GTF2A1: variants seen among roughly 807,000 people sequenced by gnomAD.
GTF2A1 encodes general transcription factor IIA subunit 1, also known as transcription initiation factor IIA subunit 1.
GTF2A1 carries 12 observed loss-of-function variants against 54.1 expected under a neutral mutation model. That is an observed-to-expected ratio of 0.22 (90% CI 0.14 to 0.36). The LOEUF (loss-of-function observed/expected upper bound fraction) is 0.36, where lower values mean the gene tolerates loss of function less well. GTF2A1 is among the 10% of genes least tolerant of loss of function. The pLI, the probability that GTF2A1 is intolerant of heterozygous loss-of-function variation, is 1.00. For missense variants in GTF2A1, 335 were observed against 442.2 expected (o/e 0.76, Z 2.17); for synonymous variants, 145 against 152.0 (o/e 0.95, Z 0.34).
In GTF2A1 at chr14:81,220,578, C is replaced by A. The variant is rs1475065544; in HGVS notation, c.-60G>T. 462 of 1,002,590 alleles carry A rather than the reference C, an allele frequency of 4.6e-4. No homozygotes were observed. The highest frequency in any genetic ancestry group is 3.3e-3 in the Middle Eastern group (14 of 4,198). 62.1% of individuals were successfully genotyped at this position (1,002,590 alleles called of 1,614,324 possible). Reference sequence around the variant, plus strand: ...CAAGAAAACAAGATAAAAACAAAACCAAAAAAAAAAAAACTATAACACCCG... The same window carrying A: ...CAAGAAAACAAGATAAAAACAAAACAAAAAAAAAAAAAACTATAACACCCG... On this transcript the variant is annotated 5_prime_UTR_variant, in exon 1 of 9. Coordinates refer to ENST00000553612, the MANE Select transcript of GTF2A1 (RefSeq NM_015859.4).
At position 81,178,125 on chromosome 14, in the gene GTF2A1, T is replaced by C. The variant is rs1448520535; in HGVS notation, c.*2098A>G. 6.6e-6 allele frequency: 1 copy of C among 152,110 alleles called. No homozygotes were observed. The highest frequency in any genetic ancestry group is 2.4e-5 in the African/African-American group (1 of 41,440). 9.4% of individuals were successfully genotyped at this position (152,110 alleles called of 1,614,324 possible). On this transcript the variant is annotated 3_prime_UTR_variant, in exon 9 of 9. Transcript: ENST00000553612. ...ACAACACTACTATGAATATGAATGTTTGTCTACATAGAGGGCCCAAGACAA... is the reference window on the plus strand; with the variant it reads ...ACAACACTACTATGAATATGAATGTCTGTCTACATAGAGGGCCCAAGACAA...
chr14:81,217,972 G>A (rs1472827464), intron 1 of GTF2A1, among the ~76,000 whole-genome samples: 1 of 152,062 alleles, frequency 6.6e-6, no homozygotes, highest in Non-Finnish European at 1.5e-5. Context: ...TCTGTAAAAT[G>A]CACATTTCTA....
intron 7 of GTF2A1, among the ~76,000 whole-genome samples, chr14:81,187,371 AT>A (rs1892773907): frequency 6.6e-6 from 1 of 151,872 alleles, no homozygotes; most frequent in South Asian, 2.1e-4. Context: ...AAAAAAAAAA[AT>A]CTCTGAGGTA....
At chr14:81,217,652 A>G (rs1421071003) in intron 1 of GTF2A1, among the ~76,000 whole-genome samples, 4 of 152,112 alleles carry the variant, frequency 2.6e-5, no homozygotes, top group Admixed American at 1.3e-4. Flanking sequence ...ATTAGCCAGG[A>G]GTGGTGGCAC....
intron 1 of GTF2A1, among the ~76,000 whole-genome samples, chr14:81,220,022 C>T (rs528406449): frequency 2.6e-5 from 4 of 152,160 alleles, no homozygotes; most frequent in Non-Finnish European, 2.9e-5. Context: ...ATTAATCTTC[C>T]ACTGCATTAA....
intron 1 of GTF2A1, among the ~76,000 whole-genome samples, chr14:81,219,324 C>T (rs1893556255): frequency 6.6e-6 from 1 of 152,182 alleles, no homozygotes; most frequent in East Asian, 1.9e-4. Context: ...GCTCTTGCCT[C>T]GGGAGCACGC....
chr14:81,191,490 G>C (rs1202570646), intron 7 of GTF2A1, among the ~76,000 whole-genome samples: 1 of 152,098 alleles, frequency 6.6e-6, no homozygotes, highest in Non-Finnish European at 1.5e-5. Flanking sequence ...ATAGCTATAT[G>C]CAACAACTTG....
At chr14:81,211,910 A>ATAT (rs1893379992) in intron 2 of GTF2A1, among the ~76,000 whole-genome samples, 1 of 89,202 alleles carries the variant, frequency 1.1e-5, no homozygotes, top group African/African-American at 6.2e-5. Context: ...TATATATATA[A>ATAT]CTAGAGTATA....
intron 1 of GTF2A1, 31 bp downstream of exon 1, chr14:81,220,458 G>T: frequency 6.6e-7 from 1 of 1,524,022 alleles, no homozygotes; most frequent in Non-Finnish European, 8.9e-7. Context: ...CCTGAACGAA[G>T]CCCCCGCCGG....
intron 2 of GTF2A1, among the ~76,000 whole-genome samples, chr14:81,213,517 T>C (rs1260452405): frequency 6.6e-6 from 1 of 152,184 alleles, no homozygotes; most frequent in African/African-American, 2.4e-5. Flanking sequence ...CTGCATCTTC[T>C]ATACAAGGTC....
Position 81,175,625 on chromosome 14 carries a change from AAC to A in GTF2A1, c.*4596_*4597del, listed in dbSNP as rs1892509924. 1 of 152,218 alleles carries A rather than the reference AAC, an allele frequency of 6.6e-6. No homozygotes were observed. Among genetic ancestry groups the A allele is most frequent in the African/African-American group, 2.4e-5 (1 of 41,456 alleles). 9.4% of individuals were successfully genotyped at this position (152,218 alleles called of 1,614,324 possible). On this transcript the variant is annotated 3_prime_UTR_variant, in exon 9 of 9. Coordinates refer to ENST00000553612, the MANE Select transcript of GTF2A1 (RefSeq NM_015859.4). ...CCTGCTAATTATTATCTTCTAAAAT[AAC>A]ACAAAATATATTCAATACGCAATAC... is the stretch of plus-strand genomic sequence containing the variant.
chr14:81,190,799 G>A (rs1446564554), intron 7 of GTF2A1, among the ~76,000 whole-genome samples: 1 of 152,132 alleles, frequency 6.6e-6, no homozygotes, highest in Non-Finnish European at 1.5e-5. Context: ...CTTAGCCAAT[G>A]AGCCACAAAA....
intron 4 of GTF2A1, among the ~76,000 whole-genome samples, chr14:81,200,740 A>G (rs1244208248): frequency 6.6e-6 from 1 of 152,088 alleles, no homozygotes; most frequent in Non-Finnish European, 1.5e-5. Context: ...CCTTTAAATA[A>G]AAGTTTTGGC....
chr14:81,209,177 TG>T (rs1893307232), intron 2 of GTF2A1, among the ~76,000 whole-genome samples: 1 of 152,178 alleles, frequency 6.6e-6, no homozygotes, highest in African/African-American at 2.4e-5. Context: ...CCACATGTTG[TG>T]GGAGGGACAC....
chr14:81,219,942 T>C (rs1893580708), intron 1 of GTF2A1, among the ~76,000 whole-genome samples: 1 of 151,906 alleles, frequency 6.6e-6, no homozygotes, highest in South Asian at 2.1e-4. Context: ...TTTTTAAACA[T>C]AAAATGGCCT....
intron 6 of GTF2A1, among the ~76,000 whole-genome samples, chr14:81,194,089 A>C (rs1459620824): frequency 6.6e-6 from 1 of 152,108 alleles, no homozygotes; most frequent in Non-Finnish European, 1.5e-5. Context: ...GCGGTCCCCA[A>C]CCCCTGTTAG....
chr14:81,220,648 C>A lies in GTF2A1; in HGVS notation c.-130G>T. The A allele has an allele frequency of 3.7e-6, 2 of 533,816 alleles. No individual in the cohort carries two copies. Among genetic ancestry groups the A allele is most frequent in the Non-Finnish European group, 3.1e-6 (1 of 322,106 alleles). 33.1% of individuals were successfully genotyped at this position (533,816 alleles called of 1,614,324 possible). A position where few individuals can be genotyped will look rare whatever the true frequency, so the allele number is the denominator to read the frequency against. ...GCAAGATTGGGGAAAAAATTTTAAA[C>A]AAAATCAATCCTGAAGGAGTAGGGG... On this transcript the variant is annotated 5_prime_UTR_variant, in exon 1 of 9. Coordinates refer to ENST00000553612, the MANE Select transcript of GTF2A1 (RefSeq NM_015859.4).
In GTF2A1 at chr14:81,192,576, A is replaced by C. The variant is rs1892899095; in HGVS notation, c.876T>G (p.Asp292Glu). The C allele has an allele frequency of 1.9e-6, 3 of 1,613,604 alleles. No homozygotes were observed. Among genetic ancestry groups the C allele is most frequent in the Non-Finnish European group, 2.5e-6 (3 of 1,179,576 alleles). Residue 292 changes from aspartate (D) to glutamate (E), a missense_variant, in exon 7 of 9, where the codon GAT (aspartate) becomes GAG (glutamate). Coordinates refer to ENST00000553612, the MANE Select transcript of GTF2A1 (RefSeq NM_015859.4). ...TCTCTTTGTCTTCCTCCTCATCATC[A>C]TCATAGTCTTCTTCTTCATCTTCAT... ...EEDEDEEEDY[D>E]DDEEEDKEKD...
chr14:81,215,136 T>C (rs1420996088), intron 2 of GTF2A1, among the ~76,000 whole-genome samples: 1 of 152,252 alleles, frequency 6.6e-6, no homozygotes, highest in African/African-American at 2.4e-5. Context: ...GTGAATTATA[T>C]GGATCTTTCA....
Sources: gnomAD v4.1 joint callset for allele counts (sites outside exome capture counted in the v4.1 genomes callset) on GRCh38, gnomAD v4.1.1 for gene constraint, MANE v1.5 for transcripts, NCBI Gene and HGNC (gene_info 2026-07-23, HGNC 2026-07-21) for gene names.